Variants in TSHZ3 observed in about 807,000 individuals in gnomAD.
TSHZ3 encodes teashirt homolog 3.
A neutral mutation model predicts 64.5 loss-of-function variants in TSHZ3; 10 were observed. The observed-to-expected ratio is 0.16, with a 90% CI of 0.10 to 0.26. The LOEUF is 0.26. Among genes scored for constraint, TSHZ3 ranks in the 10% least tolerant of loss-of-function variants. TSHZ3 has a pLI of 1.00. For missense variants in TSHZ3, 1,242 were observed against 1,421.7 expected (o/e 0.87, Z 2.03); for synonymous variants, 608 against 593.1 (o/e 1.03, Z -0.36).
chr19:31,211,404 C>T (rs940535092), intron 4 of TSHZ3, among the ~76,000 whole-genome samples: 1 of 152,294 alleles, frequency 6.6e-6, no homozygotes, highest in Non-Finnish European at 1.5e-5. Context: ...TGGACTACAG[C>T]AGACGCAGAA....
rs771065494 is a variant in TSHZ3 at position 31,277,870 on chromosome 19, G to C, written c.1923C>G (p.Ala641=). Residue 641 remains alanine, a synonymous_variant, in exon 2 of 2, where the codon GCC becomes GCG. Coordinates refer to ENST00000240587, the MANE Select transcript of TSHZ3 (RefSeq NM_020856.4). This position sits in a 1 kb window ranked among gnomAD's most constrained non-coding sequence, Gnocchi z 4.5. ...PDGKLSPPKR[A]TPSPCSSEVG... ...CTTCGCTGCTACATGGGGAGGGAGTGGCCCGCTTGGGCGGGGAAAGCTTCC... is the reference window on the plus strand; with the variant it reads ...CTTCGCTGCTACATGGGGAGGGAGTCGCCCGCTTGGGCGGGGAAAGCTTCC... The C allele has an allele frequency of 6.2e-7, 1 of 1,606,950 alleles. No homozygotes were observed. Among genetic ancestry groups the C allele is most frequent in the Admixed American group, 1.7e-5 (1 of 59,260 alleles).
rs1388376019 is a variant in TSHZ3 at position 31,279,213 on chromosome 19, C to G, written c.580G>C (p.Val194Leu). Residue 194 changes from valine (V) to leucine (L), a missense_variant, in exon 2 of 2, where the codon GTG (valine) becomes CTG (leucine). Val to Leu is a conservative substitution (Grantham distance 32). Around this residue, in one of 4 missense-constraint regions of TSHZ3, gnomAD observed 555 missense variants for 704.0 expected, o/e 0.79. Coordinates refer to ENST00000240587, the MANE Select transcript of TSHZ3 (RefSeq NM_020856.4). This position sits in a 1 kb window ranked among gnomAD's most constrained non-coding sequence, Gnocchi z 6.4. ...TTGCTGCTCTGCCGGTACAGCTGCA[C>G]GGTGCTGAAGAGGCTGGGCTCCGGG... The part of the protein sequence containing the change: ...MLPEPSLFST[V>L]QLYRQSSKLY... 1 of 1,614,104 alleles carries G rather than the reference C, an allele frequency of 6.2e-7. No individual in the cohort carries two copies. Among genetic ancestry groups the G allele is most frequent in the African/African-American group, 1.3e-5 (1 of 75,032 alleles).
chr19:31,266,931 A>G (rs1228678204), intron 1 of TSHZ3, among the ~76,000 whole-genome samples: 1 of 152,152 alleles, frequency 6.6e-6, no homozygotes, highest in African/African-American at 2.4e-5. Flanking sequence ...AGTGGCATCC[A>G]TCCTTCACAG....
At chr19:31,176,163 G>A (rs1463582940) in intron 5 of TSHZ3, among the ~76,000 whole-genome samples, 1 of 152,180 alleles carries the variant, frequency 6.6e-6, no homozygotes, top group Non-Finnish European at 1.5e-5. Flanking sequence ...GCAAGGCCAG[G>A]TGGTGAGAAT....
intron 1 of TSHZ3, among the ~76,000 whole-genome samples, chr19:31,252,596 G>A (rs563204537): frequency 2.6e-5 from 4 of 152,096 alleles, no homozygotes; most frequent in South Asian, 2.1e-4. Flanking sequence ...GGTTTTATAC[G>A]CATCTGGCAT....
chr19:31,190,211 C>A (rs1568342188), intron 5 of TSHZ3, among the ~76,000 whole-genome samples: 1 of 152,114 alleles, frequency 6.6e-6, no homozygotes, highest in Non-Finnish European at 1.5e-5. Flanking sequence ...AGGGAAGTAA[C>A]CCAAGCAATC....
At chr19:31,285,486 A>AG (rs1160032551) in intron 1 of TSHZ3, among the ~76,000 whole-genome samples, 1 of 150,920 alleles carries the variant, frequency 6.6e-6, no homozygotes, top group East Asian at 2.0e-4. Context: ...TCAAAAAAAA[A>AG]AAAAAGGAAA....
exon 7 of TSHZ3, among the ~76,000 whole-genome samples, chr19:31,151,234 T>G (rs1599548504): frequency 6.6e-6 from 1 of 152,158 alleles, no homozygotes; most frequent in Non-Finnish European, 1.5e-5. Context: ...GAAAACCCCA[T>G]CAGCCTCTCT....
At chr19:31,154,849 G>A (rs1042219319) in intron 6 of TSHZ3, among the ~76,000 whole-genome samples, 1 of 93,902 alleles carries the variant, frequency 1.1e-5, no homozygotes, top group Non-Finnish European at 2.7e-5. Context: ...AGGGTTTTGT[G>A]GGGGGACACT....
chr19:31,298,112 T>C (rs1360369474), intron 1 of TSHZ3, among the ~76,000 whole-genome samples: 1 of 152,116 alleles, frequency 6.6e-6, no homozygotes, highest in Non-Finnish European at 1.5e-5. Flanking sequence ...TTGTGTCTCT[T>C]GGCTTCCCTT....
chr19:31,165,636 C>T (rs1215559104), intron 5 of TSHZ3, among the ~76,000 whole-genome samples: 2 of 152,236 alleles, frequency 1.3e-5, no homozygotes, highest in South Asian at 2.1e-4. Flanking sequence ...CTGTTCTGCA[C>T]CAAAGGCTCT....
At chr19:31,333,830 C>T (rs952179218) in intron 1 of TSHZ3, among the ~76,000 whole-genome samples, 10 of 152,256 alleles carry the variant, frequency 6.6e-5, no homozygotes, top group Admixed American at 6.5e-5. Flanking sequence ...GGTTCCCGCA[C>T]GCACGCTAAT....
intron 1 of TSHZ3, among the ~76,000 whole-genome samples, chr19:31,244,981 T>C (rs1318922564): frequency 2.6e-5 from 4 of 152,318 alleles, no homozygotes; most frequent in Non-Finnish European, 4.4e-5. Flanking sequence ...CATTGGAAAA[T>C]GCTTACAATA....
At position 31,349,266 on chromosome 19, in the gene TSHZ3, G is replaced by C. The variant is rs1262785287; in HGVS notation, c.-47C>G. On this transcript the variant is annotated 5_prime_UTR_variant, in exon 1 of 2. Coordinates refer to ENST00000240587, the MANE Select transcript of TSHZ3 (RefSeq NM_020856.4). ...ACTGCCGCCGCCGCCGCCGCTGCCG[G>C]GCTGAGGACAGGGAGGGAGGGGGCG... is the stretch of plus-strand genomic sequence containing the variant. The C allele has an allele frequency of 3.3e-6, 5 of 1,505,590 alleles. No homozygotes were observed. In the East Asian group the frequency reaches 1.1e-4, roughly 32 times the overall value. The allele number at this position is 1,505,590 out of a possible 1,614,324, so 93.3% of individuals were successfully genotyped here.
At chr19:31,349,108 C>T in intron 1 of TSHZ3, 72 bp downstream of exon 1, 1 of 1,502,612 alleles carries the variant, frequency 6.7e-7, no homozygotes, top group Non-Finnish European at 8.9e-7. Context: ...AGCGGGGTCG[C>T]GCCCGCTGGA....
chr19:31,291,192 G>A (rs1042287892), intron 1 of TSHZ3, among the ~76,000 whole-genome samples: 5 of 152,330 alleles, frequency 3.3e-5, no homozygotes, highest in East Asian at 1.9e-4. Context: ...AGCCCCAGCC[G>A]GTTCAGAAGA....
chr19:31,167,268 C>A (rs565366350), intron 5 of TSHZ3, among the ~76,000 whole-genome samples: 1 of 152,320 alleles, frequency 6.6e-6, no homozygotes, highest in South Asian at 2.1e-4. Flanking sequence ...TACTGATCTG[C>A]TTAATGATTT....
intron 1 of TSHZ3, among the ~76,000 whole-genome samples, chr19:31,317,862 C>T (rs1029772490): frequency 6.6e-6 from 1 of 152,224 alleles, no homozygotes; most frequent in Non-Finnish European, 1.5e-5. Context: ...CAGGTGACCA[C>T]GGAGCTCCTC....
intron 1 of TSHZ3, among the ~76,000 whole-genome samples, chr19:31,315,874 T>G (rs1456502524): frequency 6.6e-6 from 1 of 152,158 alleles, no homozygotes; most frequent in Non-Finnish European, 1.5e-5. Flanking sequence ...TAATAAAAAG[T>G]GATGTGAGCT....
Sources: allele counts gnomAD v4.1 joint callset (sites outside exome capture counted in the v4.1 genomes callset), GRCh38; gene constraint gnomAD v4.1.1; regional missense constraint gnomAD v4.1.1; non-coding constraint Gnocchi (gnomAD v3.1); transcripts MANE v1.5; gene names NCBI Gene and HGNC (gene_info 2026-07-23, HGNC 2026-07-21).